TTN: variants seen among roughly 807,000 people sequenced by gnomAD.
The protein encoded by TTN is titin, also known as connectin.
A neutral mutation model predicts 3,223.0 loss-of-function variants in TTN; 1,525 were observed. The observed-to-expected ratio is 0.47, with a 90% CI of 0.45 to 0.49. TTN has a LOEUF of 0.49. TTN is among the 20% of genes least tolerant of loss of function. The probability of loss-of-function intolerance (pLI) is 0.00; values close to 1 mark genes in which losing one functional copy is unlikely to be tolerated. For missense variants in TTN, 40,786 were observed against 43,424.0 expected (o/e 0.94, Z 5.40); for synonymous variants, 14,094 against 15,161.0 (o/e 0.93, Z 5.17).
chr2:178,588,211 C>T lies in TTN; in HGVS notation c.63196G>A (p.Gly21066Ser). 6.4e-7 allele frequency: 1 copy of T among 1,568,440 alleles called. No homozygotes were observed. Among genetic ancestry groups the T allele is most frequent in the Non-Finnish European group, 8.7e-7 (1 of 1,154,316 alleles). ...VVAKDPIEPP[G>S]PPTNFRVVDT... ...ACCACTCTGAAATTGGTTGGTGGACCAGGTGGCTCTGAAAGTAAAATATAC... is the reference window on the plus strand; with the variant it reads ...ACCACTCTGAAATTGGTTGGTGGACTAGGTGGCTCTGAAAGTAAAATATAC... The change falls in exon 305 of 363, where the codon GGT becomes AGT. Residue 21066 changes from glycine to serine, a missense_variant. By Grantham distance (56) the Gly-to-Ser change is moderately conservative (BLOSUM62 0). Transcript: ENST00000589042.
Position 178,684,344 on chromosome 2 carries a change from G to T in TTN, c.32708C>A (p.Pro10903His). 1.9e-6 allele frequency: 3 copies of T among 1,613,398 alleles called. No individual in the cohort carries two copies. The highest frequency in any genetic ancestry group is 2.5e-6 in the Non-Finnish European group (3 of 1,179,620). ...VLVAVTKKEA[P>H]PKARVPEEPK... ...GGCGGATGTACCTCTTGCTTTTGGA[G>T]GCGCCTCTTTTTTAGTTACAGCAAC... Residue 10903 changes from proline to histidine, a missense_variant, in exon 132 of 363, where the codon CCT becomes CAT. Pro to His is a moderately conservative substitution (Grantham distance 77). Coordinates refer to ENST00000589042, the MANE Select transcript of TTN (RefSeq NM_001267550.2).
rs1489703004 is a variant in TTN, at chr2:178,608,647, G to A, written c.52364C>T (p.Pro17455Leu). 3.7e-6 allele frequency: 6 copies of A among 1,611,826 alleles called. No homozygotes were observed. The highest frequency in any genetic ancestry group is 3.3e-4 in the Middle Eastern group (2 of 6,044). Reference protein sequence around the residue: ...VRAENRFGPGPPCVSKPLVAK... With the variant: ...VRAENRFGPGLPCVSKPLVAK... Reference sequence around the variant, plus strand: ...CACAAGTGGCTTTGAAACACATGGTGGACCTGGCCCAAATCTGTTTTCAGC... The same window carrying A: ...CACAAGTGGCTTTGAAACACATGGTAGACCTGGCCCAAATCTGTTTTCAGC... Residue 17455 changes from proline to leucine, a missense_variant, in exon 274 of 363, where the codon CCA becomes CTA. Pro to Leu is a moderately conservative substitution (Grantham distance 98). Coordinates refer to ENST00000589042, the MANE Select transcript of TTN (RefSeq NM_001267550.2).
At position 178,745,436 on chromosome 2, in the gene TTN, A is replaced by T. The variant is rs10497519; in HGVS notation, c.11312-3515T>A. 49,085 of 1,461,128 alleles carry T rather than the reference A, an allele frequency of 0.034. 2,058 individuals are homozygous for T. Among genetic ancestry groups the T allele is most frequent in the South Asian group, 0.16 (11,498 of 71,400 alleles). The allele number at this position is 1,461,128 out of a possible 1,614,324, so 90.5% of individuals were successfully genotyped here. A position where few individuals can be genotyped will look rare whatever the true frequency, so the allele number is the denominator to read the frequency against. On this transcript the variant is annotated intron_variant, in intron 47 of 362. Transcript: ENST00000589042. ...CATGTATTACAAAGATGAGATTTCT[A>T]CATAGAGATTATTTCTTTAGGGGTC...
chr2:178,650,446 T>C (rs369913459), intron 209 of TTN, among the ~76,000 whole-genome samples, 175 bp from the exon 210 acceptor site: 4 of 152,148 alleles, frequency 2.6e-5, no homozygotes, highest in South Asian at 4.1e-4. Flanking sequence ...TGTCTATTGA[T>C]TCAAATGCTT....
chr2:178,546,248 C>T lies in TTN; in HGVS notation c.95083G>A (p.Gly31695Arg), dbSNP rs376403373. 8.6e-5 allele frequency: 138 copies of T among 1,613,078 alleles called. No homozygotes were observed. Among genetic ancestry groups the T allele is most frequent in the African/African-American group, 2.0e-4 (15 of 74,882 alleles). ...KYTLTVKNAS[G>R]TKAVSVMVKV... ...ACCATGACAGACACGGCCTTGGTCC[C>T]GCTGGCATTTTTCACTGTTAAAGTG... Residue 31695 changes from glycine to arginine, a missense_variant, in exon 342 of 363, where the codon GGG becomes AGG. By Grantham distance (125) the Gly-to-Arg change is moderately radical. Coordinates refer to ENST00000589042, the MANE Select transcript of TTN (RefSeq NM_001267550.2).
intron 193 of TTN, 26 bp downstream of exon 193, chr2:178,654,182 C>A: frequency 1.3e-6 from 2 of 1,584,848 alleles, no homozygotes; most frequent in Non-Finnish European, 1.7e-6. Context: ...GTAAGTTATT[C>A]TTAGCAGAGG....
At chr2:178,736,572 C>A (rs1344434065) in intron 49 of TTN, among the ~76,000 whole-genome samples, 1 of 152,144 alleles carries the variant, frequency 6.6e-6, no homozygotes, top group East Asian at 1.9e-4. Flanking sequence ...ATCCTCTAGG[C>A]CAACTCAAAC....
chr2:178,717,968 A>G lies in TTN; in HGVS notation c.25038T>C (p.Ala8346=). ...CTTTGATAACAAGCACAGCTGAAGA[A>G]GCGACTGCCCCCACACTGTTGTCTG... ...CKADNSVGAV[A]SSAVLVIKAR... is the part of the protein sequence containing the mutation. The change falls in exon 86 of 363, where the codon GCT becomes GCC. Residue 8346 remains alanine (A), a synonymous_variant. Transcript: ENST00000589042. 1 of 1,612,772 alleles carries G rather than the reference A, an allele frequency of 6.2e-7. No homozygotes were observed. Among genetic ancestry groups the G allele is most frequent in the Non-Finnish European group, 8.5e-7 (1 of 1,178,850 alleles).
At chr2:178,642,444 T>C in intron 218 of TTN, 127 bp from the exon 219 acceptor site, 1 of 711,972 alleles carries the variant, frequency 1.4e-6, no homozygotes, top group Middle Eastern at 2.7e-4. Context: ...TGCATATAAA[T>C]ACCACAGAAT....
At position 178,678,810 on chromosome 2, in the gene TTN, G is replaced by A. The variant is rs2068678757; in HGVS notation, c.33763C>T (p.Pro11255Ser). Reference protein sequence around the residue: ...PAKVPEVPKKPVPEEKVPVPV... With the variant: ...PAKVPEVPKKSVPEEKVPVPV... ...ACTGGTACTTTCTCCTCTGGCACAG[G>A]TTTCTTGGGCACTTCAGGAACTTCA... Residue 11255 changes from proline to serine, a missense_variant, in exon 143 of 363, where the codon CCT becomes TCT. Transcript: ENST00000589042. 6.3e-7 allele frequency: 1 copy of A among 1,598,756 alleles called. No individual in the cohort carries two copies. Among genetic ancestry groups the A allele is most frequent in the East Asian group, 2.3e-5 (1 of 44,140 alleles).
Position 178,539,247 on chromosome 2 carries a change from A to G in TTN, c.98688T>C (p.Pro32896=), listed in dbSNP as rs1575351608. 1.2e-6 allele frequency: 2 copies of G among 1,612,544 alleles called. No homozygotes were observed. Among genetic ancestry groups the G allele is most frequent in the African/African-American group, 2.7e-5 (2 of 74,868 alleles). The stretch of plus-strand genomic sequence containing the variant: ...CTGGAGGATTGCTTGGAGGTTCTGG[A>G]GGATCTGTAAATATAAGTGGAAAGC... The part of the protein sequence containing the change: ...EPVTPKTPLN[P]PEPPSNPPEV... The change falls in exon 353 of 363, where the codon CCT becomes CCC. Residue 32896 remains proline, a synonymous_variant. Coordinates refer to ENST00000589042, the MANE Select transcript of TTN (RefSeq NM_001267550.2).
rs1329188701 is a variant in TTN at position 178,532,836 on chromosome 2, C to T, written c.103779G>A (p.Lys34593=). 1.2e-6 allele frequency: 2 copies of T among 1,613,942 alleles called. No homozygotes were observed. Residue 34593 remains lysine (K), a synonymous_variant, in exon 358 of 363, where the codon AAG becomes AAA. Coordinates refer to ENST00000589042, the MANE Select transcript of TTN (RefSeq NM_001267550.2). ...GTTCCCATCTTGAAAGGCGGATGCG[C>T]TTGGGTCGTTTCTGTACAACTCTGT... ...KLDRVVQKRP[K]RIRLSRWEQF...
In TTN at chr2:178,571,559, A is replaced by G. The variant is rs1708197097; in HGVS notation, c.74573T>C (p.Ile24858Thr). The G allele has an allele frequency of 2.5e-6, 4 of 1,613,224 alleles. No individual in the cohort carries two copies. Among genetic ancestry groups the G allele is most frequent in the South Asian group, 1.1e-5 (1 of 91,058 alleles). ...TGTCCTTGCAACTGTAGCTGATACAATTTGCCAGGTGGTTGTGGAAGTGTC... is the reference window on the plus strand; with the variant it reads ...TGTCCTTGCAACTGTAGCTGATACAGTTTGCCAGGTGGTTGTGGAAGTGTC... ...KRDTSTTTWQ[I>T]VSATVARTTI... is the part of the protein sequence containing the mutation. Residue 24858 changes from isoleucine to threonine, a missense_variant, in exon 326 of 363, where the codon ATT (isoleucine) becomes ACT (threonine). Physicochemically the swap from Ile to Thr is moderately conservative, Grantham distance 89. Coordinates refer to ENST00000589042, the MANE Select transcript of TTN (RefSeq NM_001267550.2).
At chr2:178,713,644 A>G (rs2077020784) in intron 92 of TTN, 1 of 692,962 alleles carries the variant, frequency 1.4e-6, no homozygotes, top group Non-Finnish European at 2.3e-6. Context: ...ATAAATGAAG[A>G]CTGCTTTAAC....
chr2:178,664,161 C>T, intron 168 of TTN, 63 bp from the exon 169 acceptor site: 2 of 1,475,690 alleles, frequency 1.4e-6, no homozygotes, highest in Non-Finnish European at 9.2e-7. Context: ...GATACAAAGA[C>T]ATTTTCAAGA....
chr2:178,766,215 G>T (rs1248401852), intron 41 of TTN, among the ~76,000 whole-genome samples, 166 bp downstream of exon 41: 2 of 152,098 alleles, frequency 1.3e-5, no homozygotes, highest in African/African-American at 4.8e-5. Context: ...TTTAACAGCT[G>T]CCCTCCCTTT....
chr2:178,757,227 A>ACACTG (rs1182075269), intron 45 of TTN, among the ~76,000 whole-genome samples: 75 of 150,216 alleles, frequency 5.0e-4, no homozygotes, highest in Admixed American at 8.0e-4. Flanking sequence ...ACAGTAAGTA[A>ACACTG]TAATCAGCAA....
chr2:178,642,113 A>C (rs561206478), intron 219 of TTN, 124 bp downstream of exon 219: 7 of 741,708 alleles, frequency 9.4e-6, no homozygotes, highest in African/African-American at 9.2e-5. Flanking sequence ...ATGAAACTAC[A>C]AACAAATTTT....
Position 178,672,043 on chromosome 2 carries a change from C to CT in TTN, c.35154dup (p.Val11719SerfsTer3), listed in dbSNP as rs2067087661. The CT allele has an allele frequency of 6.2e-7, 1 of 1,611,110 alleles. No homozygotes were observed. ...TCAAAAACTTCTATTACCCTATGAA[C>CT]TTTTTCAACTCTGTGTTCTTCTTCA... On this transcript the variant is annotated frameshift_variant, in exon 155 of 363. Transcript: ENST00000589042. LOFTEE classifies it high-confidence loss of function.
Sources: gnomAD v4.1 joint callset for allele counts (sites outside exome capture counted in the v4.1 genomes callset) on GRCh38, gnomAD v4.1.1 for gene constraint, MANE v1.5 for transcripts, NCBI Gene and HGNC (gene_info 2026-07-23, HGNC 2026-07-21) for gene names.